KIAA0930: variants seen among roughly 807,000 people sequenced by gnomAD.
KIAA0930 encodes the protein uncharacterized protein KIAA0930.
In KIAA0930, 24 loss-of-function variants were observed where a neutral mutation model predicts 43.9. The ratio of observed to expected loss-of-function variants is 0.55; its 90% CI spans 0.40 to 0.77. KIAA0930 has a LOEUF of 0.77. KIAA0930 is among the 30% of genes least tolerant of loss of function. The pLI, the probability that KIAA0930 is intolerant of heterozygous loss-of-function variation, is 0.00. For synonymous variants in KIAA0930, 259 were observed against 216.4 expected, an observed-to-expected ratio of 1.20 and a Z score of -1.73; for missense variants, 461 against 574.2, an observed-to-expected ratio of 0.80 and a Z score of 2.02.
chr22:45,203,768 T>C (rs2083610934), intron 6 of KIAA0930, 77 bp downstream of exon 6: 1 of 1,526,542 alleles, frequency 6.6e-7, no homozygotes. Context: ...GGGGGCCCCA[T>C]GGTATGGACC....
At chr22:45,204,013 C>G in intron 5 of KIAA0930, 28 bp from the exon 6 acceptor site, 1 of 1,613,168 alleles carries the variant, frequency 6.2e-7, no homozygotes, top group Non-Finnish European at 8.5e-7. Context: ...GAGACAGGGA[C>G]GTGACCATCA....
At chr22:45,236,437 C>T (rs1156629239) in intron 1 of KIAA0930, among the ~76,000 whole-genome samples, 1 of 152,122 alleles carries the variant, frequency 6.6e-6, no homozygotes, top group Admixed American at 6.5e-5. Flanking sequence ...TCCACACAAG[C>T]CCATCCAGCC....
chr22:45,204,203 G>T (rs1387026899), intron 5 of KIAA0930, among the ~76,000 whole-genome samples: 1 of 152,182 alleles, frequency 6.6e-6, no homozygotes, highest in Non-Finnish European at 1.5e-5. Flanking sequence ...GGACAGGGAC[G>T]CTTACGGAGA....
In KIAA0930 at chr22:45,211,901, C is replaced by T. The variant is rs958906001; in HGVS notation, c.216+55G>A. 3.2e-6 allele frequency: 5 copies of T among 1,566,536 alleles called. No individual in the cohort carries two copies. In the Admixed American group the frequency reaches 6.9e-5, roughly 22 times the overall value. On this transcript the variant is annotated intron_variant, in intron 2 of 9. Coordinates refer to ENST00000336156, the MANE Select transcript of KIAA0930 (RefSeq NM_001009880.2). The stretch of plus-strand genomic sequence containing the variant: ...AGCCCACATGTACACCGAGAGCAGA[C>T]ACCACAGGGATGCTTGGGGCACAGA...
In KIAA0930 at chr22:45,212,332, C is replaced by T. The variant is rs770643504; in HGVS notation, c.65-225G>A. On this transcript the variant is annotated intron_variant, in intron 1 of 9. Coordinates refer to ENST00000336156, the MANE Select transcript of KIAA0930 (RefSeq NM_001009880.2). The stretch of plus-strand genomic sequence containing the variant: ...CCCAGTTCCTCCACTCAGCAGCAGC[C>T]TGAGAGCCCATGCTCCCAGCCCCAC... 3 of 1,612,016 alleles carry T rather than the reference C, an allele frequency of 1.9e-6. No homozygotes were observed. In the South Asian group the frequency reaches 3.3e-5, roughly 18 times the overall value.
intron 2 of KIAA0930, among the ~76,000 whole-genome samples, chr22:45,207,994 A>G (rs1032215088): frequency 6.6e-6 from 1 of 152,192 alleles, no homozygotes; most frequent in Non-Finnish European, 1.5e-5. Context: ...TCAGTGAATG[A>G]AAGGCTCGGG....
At chr22:45,226,607 C>G (rs1481908312) in intron 1 of KIAA0930, among the ~76,000 whole-genome samples, 2 of 152,054 alleles carry the variant, frequency 1.3e-5, no homozygotes, top group African/African-American at 2.4e-5. Context: ...CAAGCTGAAA[C>G]AGTGGTTCCA....
In KIAA0930 at chr22:45,198,811, G is replaced by A. The variant is rs183626244; in HGVS notation, c.1016-863C>T. Among the ~76,000 whole-genome samples the A allele has an allele frequency of 9.7e-3, 1,479 of 152,194 alleles. 23 individuals carry two copies. Among genetic ancestry groups the A allele is most frequent in the African/African-American group, 0.033 (1,388 of 41,502 alleles). On this transcript the variant is annotated intron_variant, in intron 8 of 9. Coordinates refer to ENST00000336156, the MANE Select transcript of KIAA0930 (RefSeq NM_001009880.2). ...ATTACAGGCGCCCACCACCATGCCC[G>A]GCTAATTTTTTGTATTTTTAGTAGA...
intron 1 of KIAA0930, among the ~76,000 whole-genome samples, chr22:45,224,510 G>A (rs1020223192): frequency 6.6e-6 from 1 of 151,938 alleles, no homozygotes; most frequent in Admixed American, 6.5e-5. Context: ...AGACTGCCCG[G>A]CTCCCGCGGT....
At chr22:45,206,026 T>A in intron 2 of KIAA0930, 114 bp from the exon 3 acceptor site, 1 of 1,516,800 alleles carries the variant, frequency 6.6e-7, no homozygotes, top group Non-Finnish European at 8.8e-7. Flanking sequence ...TTTTTCTTAC[T>A]ATTTTTTGAG....
At chr22:45,234,730 A>T (rs1313263488) in intron 1 of KIAA0930, among the ~76,000 whole-genome samples, 2 of 152,246 alleles carry the variant, frequency 1.3e-5, no homozygotes, top group Non-Finnish European at 2.9e-5. Context: ...TTCCAACCAC[A>T]TGAGACCAAT....
At chr22:45,231,265 C>A (rs987778691) in intron 1 of KIAA0930, among the ~76,000 whole-genome samples, 1 of 151,826 alleles carries the variant, frequency 6.6e-6, no homozygotes, top group Non-Finnish European at 1.5e-5. Flanking sequence ...AGGTTGAGCC[C>A]ATTTCTTTGG....
At chr22:45,229,527 A>C (rs2083838644) in intron 1 of KIAA0930, among the ~76,000 whole-genome samples, 2 of 152,238 alleles carry the variant, frequency 1.3e-5, no homozygotes, top group South Asian at 4.1e-4. Flanking sequence ...GTGTCACAGC[A>C]CAGGGGCAGG....
chr22:45,213,154 G>C (rs1318984169), intron 1 of KIAA0930, among the ~76,000 whole-genome samples: 1 of 152,074 alleles, frequency 6.6e-6, no homozygotes, highest in Non-Finnish European at 1.5e-5. Flanking sequence ...GGCTGACCAG[G>C]ACTCGGCCAC....
intron 1 of KIAA0930, among the ~76,000 whole-genome samples, chr22:45,223,135 G>C (rs796396972): frequency 1.4e-4 from 21 of 152,298 alleles, no homozygotes; most frequent in African/African-American, 5.1e-4. Flanking sequence ...CAAAATAGTG[G>C]AGTGGTCCTA....
chr22:45,211,695 AAAG>A (rs2083694912), intron 2 of KIAA0930, among the ~76,000 whole-genome samples: 1 of 152,170 alleles, frequency 6.6e-6, no homozygotes, highest in African/African-American at 2.4e-5. Context: ...CTGTTTCCTC[AAAG>A]CTACGACGGT....
chr22:45,200,841 A>C (rs1601808491), intron 7 of KIAA0930: 1 of 468,840 alleles, frequency 2.1e-6, no homozygotes, highest in East Asian at 6.9e-5. Context: ...AAAGAGAAGC[A>C]CAGGATACAT....
intron 1 of KIAA0930, among the ~76,000 whole-genome samples, chr22:45,237,952 A>C (rs2083896927): frequency 1.4e-5 from 2 of 147,136 alleles, no homozygotes; most frequent in African/African-American, 2.5e-5. Flanking sequence ...ACAGAGTCTC[A>C]CTCTGTAGCC....
intron 1 of KIAA0930, among the ~76,000 whole-genome samples, chr22:45,238,805 G>C (rs985773526): frequency 2.0e-5 from 3 of 151,984 alleles, no homozygotes; most frequent in African/African-American, 4.8e-5. Flanking sequence ...CAGGCTCTGA[G>C]GTCAGGCTGG....
Sources: gnomAD v4.1 joint callset for allele counts (sites outside exome capture counted in the v4.1 genomes callset) on GRCh38, gnomAD v4.1.1 for gene constraint, MANE v1.5 for transcripts, NCBI Gene and HGNC (gene_info 2026-07-23, HGNC 2026-07-21) for gene names.